Variants in ROBO2 observed in about 807,000 individuals in gnomAD.
The protein encoded by ROBO2 is roundabout homolog 2.
A neutral mutation model predicts 160.8 loss-of-function variants in ROBO2; 53 were observed. The ratio of observed to expected loss-of-function variants is 0.33; its 90% CI spans 0.26 to 0.41. The LOEUF (loss-of-function observed/expected upper bound fraction) is 0.41. ROBO2 is among the 10% of genes least tolerant of loss of function. The probability of loss-of-function intolerance (pLI) is 1.00; values close to 1 mark genes in which losing one functional copy is unlikely to be tolerated. For missense variants in ROBO2, 1,577 were observed against 1,722.4 expected, an observed-to-expected ratio of 0.92 and a Z score of 1.49; for synonymous variants, 664 against 611.7, an observed-to-expected ratio of 1.09 and a Z score of -1.26.
chr3:76,368,733 A>G (rs1258397164), intron 2 of ROBO2, among the ~76,000 whole-genome samples: 1 of 152,004 alleles, frequency 6.6e-6, no homozygotes, highest in Admixed American at 6.6e-5. Context: ...AGTAGAATAT[A>G]CATTCCTTGT....
intron 2 of ROBO2, among the ~76,000 whole-genome samples, chr3:77,190,865 T>G (rs1036086027): frequency 6.6e-6 from 1 of 152,034 alleles, no homozygotes; most frequent in Non-Finnish European, 1.5e-5. Context: ...TATAGAATGA[T>G]GTACAAGAAT....
intron 2 of ROBO2, among the ~76,000 whole-genome samples, chr3:76,752,957 G>T (rs1253902756): frequency 2.6e-5 from 4 of 151,834 alleles, no homozygotes; most frequent in Admixed American, 2.0e-4. Flanking sequence ...GCCCAATGAA[G>T]AATTCATAAT....
intron 2 of ROBO2, among the ~76,000 whole-genome samples, chr3:76,961,201 T>C (rs956082295): frequency 3.7e-5 from 5 of 136,780 alleles, no homozygotes; most frequent in Non-Finnish European, 1.5e-5. Context: ...AGAATTTCCA[T>C]GGATAGTTCA....
intron 2 of ROBO2, among the ~76,000 whole-genome samples, chr3:76,232,612 C>G (rs193021436): frequency 6.6e-5 from 10 of 152,292 alleles, no homozygotes; most frequent in African/African-American, 2.4e-4. Context: ...TCTGAATTGT[C>G]TCTTATTTAA....
At chr3:76,892,342 A>G (rs1203761796) in intron 2 of ROBO2, among the ~76,000 whole-genome samples, 1 of 152,178 alleles carries the variant, frequency 6.6e-6, no homozygotes, top group African/African-American at 2.4e-5. Flanking sequence ...ATAGCATCAT[A>G]GTTTTGGACT....
intron 2 of ROBO2, among the ~76,000 whole-genome samples, chr3:76,190,371 C>T (rs1282580616): frequency 1.3e-5 from 2 of 152,024 alleles, no homozygotes; most frequent in East Asian, 1.9e-4. Flanking sequence ...AAATCTTATG[C>T]CTTCCACAGT....
At chr3:76,527,627 AAAAT>A (rs1560096093) in intron 2 of ROBO2, among the ~76,000 whole-genome samples, 1 of 152,170 alleles carries the variant, frequency 6.6e-6, no homozygotes, top group African/African-American at 2.4e-5. Flanking sequence ...GCATTAAGAG[AAAAT>A]AAATAAACAA....
chr3:77,334,898 T>C (rs1358681178), intron 2 of ROBO2, among the ~76,000 whole-genome samples: 1 of 152,158 alleles, frequency 6.6e-6, no homozygotes, highest in African/African-American at 2.4e-5. Flanking sequence ...CGATTATCTA[T>C]TGTAAGGTTA....
At chr3:76,784,525 T>A (rs1214944597) in intron 2 of ROBO2, among the ~76,000 whole-genome samples, 1 of 151,182 alleles carries the variant, frequency 6.6e-6, no homozygotes, top group African/African-American at 2.4e-5. Context: ...CCATATCTGC[T>A]ATTAAGATCT....
intron 2 of ROBO2, among the ~76,000 whole-genome samples, chr3:77,348,504 T>C (rs113692474): frequency 0.011 from 1,660 of 152,182 alleles, 16 homozygotes; most frequent in Middle Eastern, 0.017. Flanking sequence ...TGACCTTGGG[T>C]CGACCTCCTA....
At chr3:77,436,627 T>C (rs1376522580) in intron 2 of ROBO2, among the ~76,000 whole-genome samples, 3 of 151,894 alleles carry the variant, frequency 2.0e-5, no homozygotes, top group Non-Finnish European at 4.4e-5. Context: ...GATGTGACCT[T>C]CTGAGTTGAT....
At chr3:76,625,256 GC>G (rs5850274) in intron 2 of ROBO2, among the ~76,000 whole-genome samples, 113,957 of 152,006 alleles carry the variant, frequency 0.75, 43,308 homozygotes, top group South Asian at 0.91. Context: ...GGAAACCACG[GC>G]TTTTTTTCAT....
At chr3:76,386,828 C>G (rs2076915154) in intron 2 of ROBO2, among the ~76,000 whole-genome samples, 2 of 151,970 alleles carry the variant, frequency 1.3e-5, no homozygotes, top group African/African-American at 4.8e-5. Flanking sequence ...TAGGAGCTGG[C>G]AAGAGAAAGG....
At chr3:76,677,180 C>G (rs985971100) in intron 2 of ROBO2, among the ~76,000 whole-genome samples, 1 of 151,202 alleles carries the variant, frequency 6.6e-6, no homozygotes, top group Non-Finnish European at 1.5e-5. Flanking sequence ...AACAGTGTAC[C>G]CAGGGGAAAT....
intron 2 of ROBO2, among the ~76,000 whole-genome samples, chr3:76,147,569 C>T (rs2071965063): frequency 6.6e-6 from 1 of 152,020 alleles, no homozygotes; most frequent in African/African-American, 2.4e-5. Context: ...CAACTCTACT[C>T]AAAGTACTTA....
At chr3:77,161,851 A>C (rs2078517698) in intron 2 of ROBO2, among the ~76,000 whole-genome samples, 1 of 151,768 alleles carries the variant, frequency 6.6e-6, no homozygotes, top group South Asian at 2.1e-4. Flanking sequence ...TTTTTTACTA[A>C]AGCATGTAGT....
At position 76,360,810 on chromosome 3, in the gene ROBO2, C is replaced by T. The variant is rs555641854; in HGVS notation, c.109+423208C>T. On this transcript the variant is annotated intron_variant, in intron 2 of 26. Coordinates refer to the ROBO2 transcript ENST00000487694. ...TTTTGCTTTTTGCCCTTGGCCTCTCCCCTTTCTCCTGTGTGGATGCAATGG... is the reference window on the plus strand; with the variant it reads ...TTTTGCTTTTTGCCCTTGGCCTCTCTCCTTTCTCCTGTGTGGATGCAATGG... Among the ~76,000 whole-genome samples, 5 of 152,098 alleles carry T rather than the reference C, an allele frequency of 3.3e-5. No individual in the cohort carries two copies. In the South Asian group the frequency reaches 8.3e-4, roughly 25 times the overall value.
chr3:77,537,688 G>C (rs905395939), intron 6 of ROBO2, among the ~76,000 whole-genome samples: 1 of 152,104 alleles, frequency 6.6e-6, no homozygotes, highest in South Asian at 2.1e-4. Context: ...CCCAAGGCTG[G>C]GTAATGTATA....
At position 77,143,174 on chromosome 3, in the gene ROBO2, C is replaced by CTT. The variant is rs10546673; in HGVS notation, c.388+44863_388+44864dup. Among the ~76,000 whole-genome samples the CTT allele has an allele frequency of 2.3e-3, 137 of 59,710 alleles. 10 individuals are homozygous for CTT. The highest frequency in any genetic ancestry group is 5.4e-3 in the African/African-American group (84 of 15,678). The allele number at this position is 59,710 out of a possible 152,430, so 39.2% of individuals were successfully genotyped here. ...CAGACACCATTTTCTTAAACAGCAG[C>CTT]TTTTTTTTTTTTTTTTTTTTTTTTT... On this transcript the variant is annotated intron_variant, in intron 2 of 25. Transcript: ENST00000461745.
Sources: gnomAD v4.1 joint callset for allele counts (sites outside exome capture counted in the v4.1 genomes callset) on GRCh38, gnomAD v4.1.1 for gene constraint, MANE v1.5 for transcripts, NCBI Gene and HGNC (gene_info 2026-07-23, HGNC 2026-07-21) for gene names.